CFAP47: variants seen among roughly 807,000 people sequenced by gnomAD.
CFAP47 encodes the protein cilia and flagella associated protein 47.
A neutral mutation model predicts 148.1 loss-of-function variants in CFAP47; 29 were observed. That is an observed-to-expected ratio of 0.20 (90% confidence interval 0.15 to 0.27). The LOEUF is 0.27. CFAP47 is among the 10% of genes least tolerant of loss of function. The probability of loss-of-function intolerance (pLI) is 1.00; values close to 1 mark genes in which losing one functional copy is unlikely to be tolerated. For synonymous variants in CFAP47, 664 were observed against 577.3 expected (o/e 1.15, Z -2.15); for missense variants, 1,872 against 1,697.5 (o/e 1.10, Z -1.81).
chrX:36,235,328 G>A (rs1185592394), intron 46 of CFAP47, among the ~76,000 whole-genome samples: 5 of 112,233 alleles, frequency 4.5e-5, no homozygotes, highest in African/African-American at 9.7e-5. Flanking sequence ...AATGGCAGGC[G>A]CCCCTCCCCC....
At chrX:36,296,339 T>C (rs1556006703) in intron 51 of CFAP47, among the ~76,000 whole-genome samples, 1 of 112,270 alleles carries the variant, frequency 8.9e-6, no homozygotes, top group African/African-American at 3.2e-5. Context: ...TCAAGACTTA[T>C]ATATGTAATA....
chrX:36,178,928 C>T (rs1410006817), intron 39 of CFAP47, among the ~76,000 whole-genome samples: 2 of 112,302 alleles, frequency 1.8e-5, no homozygotes, highest in Non-Finnish European at 1.9e-5. Flanking sequence ...TAGCTACCCA[C>T]ATCTCATGTC....
intron 45 of CFAP47, among the ~76,000 whole-genome samples, chrX:36,228,277 T>A (rs1453322594): frequency 9.0e-6 from 1 of 111,119 alleles, no homozygotes; most frequent in African/African-American, 3.3e-5. Context: ...AGCTGAAAAC[T>A]GAAAAGTCCT....
intron 29 of CFAP47, among the ~76,000 whole-genome samples, chrX:36,076,815 G>A (rs759855289): frequency 1.8e-5 from 2 of 110,593 alleles, no homozygotes; most frequent in Non-Finnish European, 1.9e-5. Flanking sequence ...CTTTCCCAAG[G>A]CCAATGTCCA....
chrX:36,286,127 AT>A (rs1294492891), intron 51 of CFAP47, among the ~76,000 whole-genome samples: 1 of 111,119 alleles, frequency 9.0e-6, no homozygotes, highest in African/African-American at 3.3e-5. Context: ...ACTGGCATAC[AT>A]TTGGGGTTTC....
chrX:35,993,694 C>A (rs1031073939), intron 18 of CFAP47, among the ~76,000 whole-genome samples: 7 of 110,405 alleles, frequency 6.3e-5, no homozygotes, highest in African/African-American at 2.3e-4. Context: ...GAAATGGATA[C>A]CTTCCATCAA....
intron 61 of CFAP47, among the ~76,000 whole-genome samples, chrX:36,366,311 A>G (rs1941875480): frequency 9.0e-6 from 1 of 111,679 alleles, no homozygotes; most frequent in Admixed American, 9.6e-5. Context: ...CTACTGCCCT[A>G]TCTCTCCACT....
At chrX:35,921,975 G>A (rs1158355080) in intron 1 of CFAP47, among the ~76,000 whole-genome samples, 1 of 111,461 alleles carries the variant, frequency 9.0e-6, no homozygotes, top group Non-Finnish European at 1.9e-5. Flanking sequence ...AGAAAAATAA[G>A]AAGACACATA....
intron 2 of CFAP47, among the ~76,000 whole-genome samples, chrX:35,934,549 A>T (rs147755777): frequency 2.7e-5 from 3 of 110,536 alleles, no homozygotes; most frequent in Non-Finnish European, 5.7e-5. Flanking sequence ...TTGGTGTTCT[A>T]TACCTCTGTG....
intron 42 of CFAP47, among the ~76,000 whole-genome samples, chrX:36,192,424 A>T (rs1939876566): frequency 9.0e-6 from 1 of 111,724 alleles, no homozygotes; most frequent in Admixed American, 9.5e-5. Flanking sequence ...GTTGCAAAAC[A>T]CACAATGATG....
chrX:36,225,736 G>A (rs1555991424), intron 45 of CFAP47, among the ~76,000 whole-genome samples: 1 of 111,414 alleles, frequency 9.0e-6, no homozygotes, highest in Non-Finnish European at 1.9e-5. Context: ...TCTTGCACGT[G>A]CAGAGAGGCA....
intron 27 of CFAP47, among the ~76,000 whole-genome samples, chrX:36,067,659 AT>A (rs368910671): frequency 0.1 from 9,418 of 91,463 alleles, 1,232 homozygotes; most frequent in African/African-American, 0.34. Flanking sequence ...GGCCACGGTG[AT>A]TTTTTTTTTT....
intron 54 of CFAP47, among the ~76,000 whole-genome samples, chrX:36,305,016 TA>T (rs1941335614): frequency 8.9e-6 from 1 of 112,218 alleles, no homozygotes; most frequent in African/African-American, 3.2e-5. Flanking sequence ...AGTATTTAAA[TA>T]AAGGCTTTTA....
chrX:35,974,983 GA>G (rs767963655), intron 13 of CFAP47, among the ~76,000 whole-genome samples, 163 bp from the exon 14 acceptor site: 3 of 110,433 alleles, frequency 2.7e-5, no homozygotes, highest in Admixed American at 9.7e-5. Context: ...TGGTCATCTA[GA>G]AAAAAAATGC....
chrX:36,171,082 G>C (rs1939569317), intron 39 of CFAP47, among the ~76,000 whole-genome samples: 1 of 110,983 alleles, frequency 9.0e-6, no homozygotes, highest in Admixed American at 9.6e-5. Flanking sequence ...TTTTTTGGCT[G>C]CATAAATGTC....
chrX:36,307,644 G>T (rs1168106584), intron 55 of CFAP47, among the ~76,000 whole-genome samples: 3 of 110,766 alleles, frequency 2.7e-5, no homozygotes, highest in Non-Finnish European at 1.9e-5. Flanking sequence ...GAATGCAAAT[G>T]GAGGAATGTA....
intron 48 of CFAP47, among the ~76,000 whole-genome samples, chrX:36,248,524 A>ACACAC (rs1602068809): frequency 6.7e-5 from 7 of 105,042 alleles, no homozygotes; most frequent in African/African-American, 1.4e-4. Context: ...ACACACACAC[A>ACACAC]ACAACAGAGC....
intron 1 of CFAP47, among the ~76,000 whole-genome samples, chrX:35,924,358 T>C (rs757066858): frequency 1.9e-5 from 2 of 105,358 alleles, no homozygotes; most frequent in Non-Finnish European, 3.9e-5. Flanking sequence ...CATATGTGTA[T>C]ATATGTATAT....
intron 39 of CFAP47, among the ~76,000 whole-genome samples, chrX:36,172,238 C>G (rs1303808381): frequency 4.0e-5 from 4 of 98,794 alleles, no homozygotes; most frequent in Non-Finnish European, 8.4e-5. Flanking sequence ...ATCATGTCAT[C>G]TGCAAACAGG....
Sources: allele counts gnomAD v4.1 joint callset (sites outside exome capture counted in the v4.1 genomes callset), GRCh38; gene constraint gnomAD v4.1.1; transcripts MANE v1.5; gene names NCBI Gene and HGNC (gene_info 2026-07-23, HGNC 2026-07-21).